Variants in NUBPL observed in about 807,000 individuals in gnomAD.
NUBPL encodes iron-sulfur cluster transfer protein NUBPL.
A neutral mutation model predicts 45.7 loss-of-function variants in NUBPL; 31 were observed. The observed-to-expected ratio is 0.68, with a 90% CI of 0.51 to 0.92. The LOEUF (loss-of-function observed/expected upper bound fraction) is 0.92. Among genes scored for constraint, NUBPL ranks in the 40% least tolerant of loss-of-function variants. The pLI, the probability that NUBPL is intolerant of heterozygous loss-of-function variation, is 0.00. For missense variants in NUBPL, 401 were observed against 398.7 expected, an observed-to-expected ratio of 1.01 and a Z score of -0.05; for synonymous variants, 144 against 140.9, an observed-to-expected ratio of 1.02 and a Z score of -0.15.
intron 6 of NUBPL, among the ~76,000 whole-genome samples, chr14:31,675,291 A>G (rs2036667309): frequency 6.6e-6 from 1 of 152,204 alleles, no homozygotes; most frequent in East Asian, 1.9e-4. Context: ...TCTATCTTAC[A>G]GTCTTTCGTG....
At chr14:31,695,153 C>T (rs914601248) in intron 6 of NUBPL, among the ~76,000 whole-genome samples, 6 of 152,106 alleles carry the variant, frequency 3.9e-5, no homozygotes, top group African/African-American at 1.4e-4. Flanking sequence ...TAGCGCAAAC[C>T]CTGTTAGTCA....
chr14:31,787,901 G>C (rs750439328), intron 7 of NUBPL, 28 bp downstream of exon 7: 2 of 1,504,560 alleles, frequency 1.3e-6, no homozygotes, highest in Non-Finnish European at 9.2e-7. Flanking sequence ...AAAGTAATTT[G>C]TACTTTTTTT....
At chr14:31,777,377 TATGAG>T (rs1283926498) in intron 6 of NUBPL, among the ~76,000 whole-genome samples, 1 of 152,172 alleles carries the variant, frequency 6.6e-6, no homozygotes, top group Non-Finnish European at 1.5e-5. Flanking sequence ...GTCTTTTACT[TATGAG>T]AGGCACTCAA....
intron 4 of NUBPL, among the ~76,000 whole-genome samples, chr14:31,650,043 G>A (rs921631152): frequency 2.0e-5 from 3 of 151,836 alleles, no homozygotes; most frequent in African/African-American, 7.3e-5. Flanking sequence ...ATTTTTAGTA[G>A]AGATGGGGTT....
intron 4 of NUBPL, among the ~76,000 whole-genome samples, chr14:31,630,409 G>T (rs1228353064): frequency 6.6e-6 from 1 of 152,126 alleles, no homozygotes; most frequent in African/African-American, 2.4e-5. Flanking sequence ...AGTCCTGGGG[G>T]ATATTGATTA....
chr14:31,635,559 A>C (rs1438479975), intron 4 of NUBPL, among the ~76,000 whole-genome samples: 5 of 151,834 alleles, frequency 3.3e-5, no homozygotes, highest in African/African-American at 1.2e-4. Context: ...CTCAGGATTG[A>C]CTTGGCGATG....
intron 9 of NUBPL, among the ~76,000 whole-genome samples, chr14:31,847,556 A>G (rs1043956751): frequency 6.6e-6 from 1 of 152,224 alleles, no homozygotes; most frequent in Non-Finnish European, 1.5e-5. Flanking sequence ...TCCACAGGCA[A>G]CTTAACAGAC....
rs565355316 is a variant in NUBPL at position 31,712,422 on chromosome 14, C to T, written c.513+38848C>T. Among the ~76,000 whole-genome samples, 16 of 152,342 alleles carry T rather than the reference C, an allele frequency of 1.1e-4. No individual in the cohort carries two copies. The South Asian group carries it at 1.4e-3, about 14-fold the overall frequency. ...AAGCCCAGCAGGCACTGGCTGGTTG[C>T]GCCCAGTGCGGGGCCTGTGGAGCCG... On this transcript the variant is annotated intron_variant, in intron 6 of 10. Transcript: ENST00000281081.
intron 4 of NUBPL, among the ~76,000 whole-genome samples, chr14:31,651,835 C>G (rs1310977773): frequency 6.7e-6 from 1 of 150,348 alleles, no homozygotes; most frequent in Non-Finnish European, 1.5e-5. Flanking sequence ...GGAGGCAGAG[C>G]TTACAGTGAG....
chr14:31,661,198 C>G (rs2036259944), intron 4 of NUBPL, among the ~76,000 whole-genome samples: 1 of 152,148 alleles, frequency 6.6e-6, no homozygotes, highest in African/African-American at 2.4e-5. Flanking sequence ...GTTTGACTTA[C>G]AGTAAGAATC....
intron 3 of NUBPL, among the ~76,000 whole-genome samples, chr14:31,579,947 T>G (rs2033819409): frequency 6.6e-6 from 1 of 152,260 alleles, no homozygotes; most frequent in Non-Finnish European, 1.5e-5. Context: ...GATTGCACTG[T>G]GAAGGATTTG....
chr14:31,621,879 G>A (rs1595381356), intron 4 of NUBPL, among the ~76,000 whole-genome samples: 1 of 152,322 alleles, frequency 6.6e-6, no homozygotes, highest in Non-Finnish European at 1.5e-5. Flanking sequence ...ACCTTAAAAT[G>A]TGGAGGTGAG....
At chr14:31,762,905 A>C (rs2038843200) in intron 6 of NUBPL, among the ~76,000 whole-genome samples, 1 of 152,172 alleles carries the variant, frequency 6.6e-6, no homozygotes, top group African/African-American at 2.4e-5. Context: ...AATAATTTCT[A>C]TCACAAGCCT....
chr14:31,759,792 G>A (rs950302018), intron 6 of NUBPL, among the ~76,000 whole-genome samples: 1 of 150,250 alleles, frequency 6.7e-6, no homozygotes, highest in Non-Finnish European at 1.5e-5. Flanking sequence ...CTCACTTTCA[G>A]TATGGTATTC....
At chr14:31,739,795 A>G (rs867934164) in intron 6 of NUBPL, among the ~76,000 whole-genome samples, 2 of 152,132 alleles carry the variant, frequency 1.3e-5, no homozygotes, top group Non-Finnish European at 2.9e-5. Flanking sequence ...TATCCTAAAA[A>G]TCCTCTGTGT....
intron 3 of NUBPL, among the ~76,000 whole-genome samples, chr14:31,585,664 AGT>A (rs1443017044): frequency 6.6e-6 from 1 of 152,196 alleles, no homozygotes; most frequent in Non-Finnish European, 1.5e-5. Flanking sequence ...TCCCACTTGC[AGT>A]GTGTGAGGAT....
intron 3 of NUBPL, among the ~76,000 whole-genome samples, chr14:31,592,219 G>A (rs2034161197): frequency 6.6e-6 from 1 of 152,202 alleles, no homozygotes; most frequent in South Asian, 2.1e-4. Context: ...ACCATGCAAG[G>A]AATAGTAATA....
intron 6 of NUBPL, among the ~76,000 whole-genome samples, chr14:31,750,342 AT>A (rs34600958): frequency 0.71 from 97,109 of 136,574 alleles, 36,800 homozygotes; most frequent in East Asian, 0.98. Flanking sequence ...CGCCCGGCTA[AT>A]TTTTTTTTTT....
intron 10 of NUBPL, among the ~76,000 whole-genome samples, chr14:31,856,458 C>A (rs769618529): frequency 6.6e-6 from 1 of 152,144 alleles, no homozygotes; most frequent in African/African-American, 2.4e-5. Flanking sequence ...ACATTTCAAA[C>A]CCAATCATGC....
Sources: gnomAD v4.1 joint callset for allele counts (sites outside exome capture counted in the v4.1 genomes callset) on GRCh38, gnomAD v4.1.1 for gene constraint, MANE v1.5 for transcripts, NCBI Gene and HGNC (gene_info 2026-07-23, HGNC 2026-07-21) for gene names.